FBXL7: variants seen among roughly 807,000 people sequenced by gnomAD.
The protein encoded by FBXL7 is F-box/LRR-repeat protein 7.
In FBXL7, 12 loss-of-function variants were observed where a neutral mutation model predicts 38.3. That is an observed-to-expected ratio of 0.31 (90% CI 0.20 to 0.51). The LOEUF is 0.51. Ranked by LOEUF, FBXL7 falls within the 20% of genes least tolerant of loss-of-function variation. The pLI, the probability that FBXL7 is intolerant of heterozygous loss-of-function variation, is 0.98. For missense variants in FBXL7, 567 were observed against 676.4 expected, an observed-to-expected ratio of 0.84 and a Z score of 1.79; for synonymous variants, 297 against 300.9, an observed-to-expected ratio of 0.99 and a Z score of 0.13.
intron 2 of FBXL7, among the ~76,000 whole-genome samples, chr5:15,620,173 C>A (rs536188728): frequency 6.6e-6 from 1 of 151,848 alleles, no homozygotes; most frequent in Non-Finnish European, 1.5e-5. Context: ...GGGGCAGCTA[C>A]CACTTCTGCA....
intron 2 of FBXL7, among the ~76,000 whole-genome samples, chr5:15,885,793 C>A (rs1202707775): frequency 2.0e-5 from 3 of 152,170 alleles, no homozygotes; most frequent in African/African-American, 7.2e-5. Context: ...ACCACAGCCT[C>A]AATTTCCCAG....
chr5:15,515,973 C>T (rs78262401), intron 1 of FBXL7, among the ~76,000 whole-genome samples: 101 of 152,248 alleles, frequency 6.6e-4, no homozygotes, highest in South Asian at 1.2e-3. Context: ...ATCACTACTA[C>T]GGGGATCCAG....
At chr5:15,705,876 A>C (rs1208917428) in intron 2 of FBXL7, among the ~76,000 whole-genome samples, 1 of 151,992 alleles carries the variant, frequency 6.6e-6, no homozygotes, top group Non-Finnish European at 1.5e-5. Flanking sequence ...TTTTAACAAT[A>C]AATAAATGTT....
chr5:15,576,728 C>G (rs1203904961), intron 1 of FBXL7, among the ~76,000 whole-genome samples: 1 of 151,730 alleles, frequency 6.6e-6, no homozygotes, highest in Non-Finnish European at 1.5e-5. Flanking sequence ...TTGATGAAAC[C>G]ATAAAGTTTA....
chr5:15,535,410 C>T (rs1737557273), intron 1 of FBXL7, among the ~76,000 whole-genome samples: 1 of 152,132 alleles, frequency 6.6e-6, no homozygotes, highest in Non-Finnish European at 1.5e-5. Context: ...ATGATTTTGA[C>T]CAAAATGCTA....
intron 2 of FBXL7, among the ~76,000 whole-genome samples, chr5:15,658,526 A>G (rs567183859): frequency 1.5e-4 from 23 of 152,268 alleles, no homozygotes; most frequent in Admixed American, 3.9e-4. Context: ...GCTGCAGACA[A>G]GAACCCCTCA....
intron 1 of FBXL7, among the ~76,000 whole-genome samples, chr5:15,587,350 G>C (rs1389382458): frequency 6.6e-6 from 1 of 152,152 alleles, no homozygotes; most frequent in Non-Finnish European, 1.5e-5. Flanking sequence ...CAGCCCAAAG[G>C]TCCACAACTC....
chr5:15,551,274 A>C (rs1273315813), intron 1 of FBXL7, among the ~76,000 whole-genome samples: 1 of 152,172 alleles, frequency 6.6e-6, no homozygotes, highest in Non-Finnish European at 1.5e-5. Context: ...CGGAGCATCT[A>C]CGTTGCCATG....
At chr5:15,866,587 G>T (rs1471237712) in intron 2 of FBXL7, among the ~76,000 whole-genome samples, 4 of 151,848 alleles carry the variant, frequency 2.6e-5, no homozygotes, top group Non-Finnish European at 5.9e-5. Flanking sequence ...AGAATGTGCA[G>T]GTTTGTTACA....
chr5:15,737,585 T>G (rs1214462338), intron 2 of FBXL7, among the ~76,000 whole-genome samples: 1 of 152,186 alleles, frequency 6.6e-6, no homozygotes, highest in Admixed American at 6.5e-5. Flanking sequence ...GAGAAAGATC[T>G]TTTTAAAATG....
chr5:15,791,976 C>T (rs1561128154), intron 2 of FBXL7, among the ~76,000 whole-genome samples: 1 of 152,132 alleles, frequency 6.6e-6, no homozygotes, highest in African/African-American at 2.4e-5. Flanking sequence ...CCGTGAAAAA[C>T]ATCCATTTAA....
chr5:15,880,721 TTATA>T lies in FBXL7; in HGVS notation c.128-47154_128-47151del, dbSNP rs3034531. 4.9e-5 allele frequency among the ~76,000 whole-genome samples: 7 copies of T among 143,372 alleles called. No homozygotes were observed. In the East Asian group the frequency reaches 8.0e-4, roughly 16 times the overall value. 94.1% of individuals were successfully genotyped at this position (143,372 alleles called of 152,430 possible). Reference sequence around the variant, plus strand: ...TAGTATATATAATATATATACTATATTATATATATATATATATAAAGTAATATAT... The same window carrying T: ...TAGTATATATAATATATATACTATATTATATATATATATAAAGTAATATAT... On this transcript the variant is annotated intron_variant, in intron 2 of 3. Coordinates refer to ENST00000504595, the MANE Select transcript of FBXL7 (RefSeq NM_012304.5).
chr5:15,913,286 A>T lies in FBXL7; in HGVS notation c.128-14604A>T, dbSNP rs187354040. 3.0e-3 allele frequency among the ~76,000 whole-genome samples: 414 copies of T among 139,328 alleles called. 3 individuals carry two copies. Among genetic ancestry groups the T allele is most frequent in the African/African-American group, 0.011 (389 of 36,920 alleles). The allele number at this position is 139,328 out of a possible 152,430, so 91.4% of individuals were successfully genotyped here. On this transcript the variant is annotated intron_variant, in intron 2 of 3. Transcript: ENST00000504595. ...TTTTATTAATTTTTTTTTTTATTAT[A>T]CTCTAAGTTTTAGGGTACATGTGCA...
chr5:15,937,736 G>C lies in FBXL7; in HGVS notation c.*550G>C, dbSNP rs529507357. The C allele has an allele frequency of 6.5e-6, 1 of 152,694 alleles. No individual in the cohort carries two copies. 9.5% of individuals were successfully genotyped at this position (152,694 alleles called of 1,614,324 possible). ...TTTGCATAGGCAAAATACTTTTCAG[G>C]CCTTTTTAAAAAATTCATTACAGCA... On this transcript the variant is annotated 3_prime_UTR_variant, in exon 4 of 4. Coordinates refer to ENST00000504595, the MANE Select transcript of FBXL7 (RefSeq NM_012304.5).
intron 2 of FBXL7, among the ~76,000 whole-genome samples, chr5:15,838,848 G>A (rs565561065): frequency 6.6e-6 from 1 of 152,168 alleles, no homozygotes; most frequent in South Asian, 2.1e-4. Context: ...CTGAGAGTTT[G>A]AACTACTTGA....
chr5:15,593,280 T>C (rs961920493), intron 1 of FBXL7, among the ~76,000 whole-genome samples: 28 of 152,008 alleles, frequency 1.8e-4, no homozygotes, highest in African/African-American at 6.8e-4. Flanking sequence ...TCCCAACACT[T>C]TGGGAGGCCG....
At chr5:15,707,084 A>AAGGAC (rs1743703828) in intron 2 of FBXL7, among the ~76,000 whole-genome samples, 1 of 151,194 alleles carries the variant, frequency 6.6e-6, no homozygotes, top group Non-Finnish European at 1.5e-5. Context: ...TTTAAGGTAT[A>AAGGAC]TATTTAACAT....
At chr5:15,628,304 TGA>T (rs1740883062) in intron 2 of FBXL7, among the ~76,000 whole-genome samples, 1 of 150,462 alleles carries the variant, frequency 6.6e-6, no homozygotes, top group Non-Finnish European at 1.5e-5. Flanking sequence ...AGAGAGATTC[TGA>T]GCTGCAAAAG....
At chr5:15,913,789 C>T (rs958012765) in intron 2 of FBXL7, among the ~76,000 whole-genome samples, 2 of 152,124 alleles carry the variant, frequency 1.3e-5, no homozygotes, top group African/African-American at 2.4e-5. Flanking sequence ...CTTGTCAAGA[C>T]AAGAAAGAGC....
Sources: allele counts gnomAD v4.1 joint callset (sites outside exome capture counted in the v4.1 genomes callset), GRCh38; gene constraint gnomAD v4.1.1; transcripts MANE v1.5; gene names NCBI Gene and HGNC (gene_info 2026-07-23, HGNC 2026-07-21).